CDK14: variants seen among roughly 807,000 people sequenced by gnomAD.
CDK14 encodes the protein cyclin-dependent kinase 14.
CDK14 carries 34 observed loss-of-function variants against 60.7 expected under a neutral mutation model. That is an observed-to-expected ratio of 0.56 (90% CI 0.43 to 0.75). The LOEUF (loss-of-function observed/expected upper bound fraction) is 0.75, where lower values mean the gene tolerates loss of function less well. Among genes scored for constraint, CDK14 ranks in the 30% least tolerant of loss-of-function variants. The pLI is 0.00. For missense variants in CDK14, 482 were observed against 564.1 expected, an observed-to-expected ratio of 0.85 and a Z score of 1.47; for synonymous variants, 197 against 203.7, an observed-to-expected ratio of 0.97 and a Z score of 0.28.
At chr7:90,684,292 A>G (rs897900603) in intron 2 of CDK14, among the ~76,000 whole-genome samples, 5 of 152,204 alleles carry the variant, frequency 3.3e-5, no homozygotes, top group Non-Finnish European at 7.3e-5. Context: ...TTTATTGTAT[A>G]TATTTAATGT....
intron 2 of CDK14, among the ~76,000 whole-genome samples, chr7:90,662,907 T>G (rs1800892551): frequency 6.6e-6 from 1 of 152,206 alleles, no homozygotes; most frequent in African/African-American, 2.4e-5. Context: ...TGCAACCTGA[T>G]CACCTCATGC....
chr7:90,667,083 A>G (rs1344767814), intron 2 of CDK14, among the ~76,000 whole-genome samples: 1 of 152,084 alleles, frequency 6.6e-6, no homozygotes, highest in Non-Finnish European at 1.5e-5. Context: ...GTTGCACATA[A>G]TAGGTATAAA....
At chr7:90,744,412 C>T (rs186433253) in intron 3 of CDK14, among the ~76,000 whole-genome samples, 3,017 of 152,270 alleles carry the variant, frequency 0.02, 47 homozygotes, top group Non-Finnish European at 0.031. Flanking sequence ...GTCTACTTCT[C>T]TCTATACAGA....
intron 11 of CDK14, among the ~76,000 whole-genome samples, chr7:91,060,305 A>G (rs1444393114): frequency 6.7e-6 from 1 of 150,316 alleles, no homozygotes; most frequent in Non-Finnish European, 1.5e-5. Flanking sequence ...TCTGCCCGTG[A>G]GATGGGTTTC....
intron 2 of CDK14, among the ~76,000 whole-genome samples, chr7:90,698,672 T>C (rs531398081): frequency 6.6e-6 from 1 of 152,330 alleles, no homozygotes; most frequent in South Asian, 2.1e-4. Flanking sequence ...TGGAAATGTA[T>C]GCCTGCCAAC....
intron 2 of CDK14, among the ~76,000 whole-genome samples, chr7:90,708,579 TC>T (rs1457389190): frequency 6.6e-6 from 1 of 152,152 alleles, no homozygotes; most frequent in Non-Finnish European, 1.5e-5. Context: ...ACAGTGTCAT[TC>T]AAAATGATGA....
chr7:91,023,258 G>C (rs1415148579), intron 10 of CDK14, among the ~76,000 whole-genome samples: 1 of 152,118 alleles, frequency 6.6e-6, no homozygotes, highest in Non-Finnish European at 1.5e-5. Context: ...ATGCATTACT[G>C]TTCCTGCTGC....
intron 4 of CDK14, among the ~76,000 whole-genome samples, chr7:90,778,584 C>T (rs567209381): frequency 1.3e-5 from 2 of 152,282 alleles, no homozygotes; most frequent in East Asian, 3.9e-4. Flanking sequence ...TTGTATCAGT[C>T]CTTTATGCAG....
chr7:91,167,243 T>C (rs1801373805), intron 14 of CDK14, among the ~76,000 whole-genome samples: 1 of 152,226 alleles, frequency 6.6e-6, no homozygotes, highest in Non-Finnish European at 1.5e-5. Flanking sequence ...TCTAAAGATT[T>C]TCTTCATGGA....
intron 12 of CDK14, among the ~76,000 whole-genome samples, chr7:91,079,968 C>T (rs1026056366): frequency 1.5e-4 from 23 of 152,202 alleles, no homozygotes; most frequent in African/African-American, 5.3e-4. Flanking sequence ...TCTGTTCTCT[C>T]ATCTGACCTT....
chr7:91,028,510 A>G (rs1796668779), intron 10 of CDK14, among the ~76,000 whole-genome samples: 1 of 152,172 alleles, frequency 6.6e-6, no homozygotes, highest in South Asian at 2.1e-4. Flanking sequence ...TCTATACTGT[A>G]TTCCATAGAG....
chr7:90,861,640 A>G (rs1791012956), intron 5 of CDK14, among the ~76,000 whole-genome samples: 1 of 152,180 alleles, frequency 6.6e-6, no homozygotes, highest in Non-Finnish European at 1.5e-5. Context: ...AGGATAGTGA[A>G]AGTAAAGAAG....
intron 8 of CDK14, among the ~76,000 whole-genome samples, chr7:90,950,226 G>A (rs1321788136): frequency 6.6e-6 from 1 of 152,048 alleles, no homozygotes; most frequent in African/African-American, 2.4e-5. Context: ...ACAGGCGCGT[G>A]CCACCATACC....
intron 2 of CDK14, among the ~76,000 whole-genome samples, chr7:90,691,005 A>G (rs1801541210): frequency 6.6e-6 from 1 of 152,068 alleles, no homozygotes; most frequent in Non-Finnish European, 1.5e-5. Flanking sequence ...TAAGTCCTCT[A>G]TTTATTTTGT....
chr7:91,168,371 GTTAGTA>G (rs1407981649), intron 14 of CDK14, among the ~76,000 whole-genome samples: 2 of 151,910 alleles, frequency 1.3e-5, no homozygotes, highest in African/African-American at 2.4e-5. Flanking sequence ...GAAACATTTT[GTTAGTA>G]TTAGTTATCA....
At chr7:90,666,573 G>A (rs1205191020) in intron 2 of CDK14, among the ~76,000 whole-genome samples, 4 of 152,204 alleles carry the variant, frequency 2.6e-5, no homozygotes, top group East Asian at 1.9e-4. Flanking sequence ...TTATTTGACC[G>A]TGTAACACTT....
In CDK14 at chr7:90,713,746, C is replaced by T. The variant is rs139286763; in HGVS notation, c.124-12821C>T. Among the ~76,000 whole-genome samples the T allele has an allele frequency of 4.0e-5, 6 of 150,380 alleles. No individual in the cohort carries two copies. In the East Asian group the frequency reaches 8.0e-4, roughly 20 times the overall value. ...TGATGTAAGTCCCAGGGGACATGTA[C>T]GAAAGACAATACAGTGGTCAAGAGC... On this transcript the variant is annotated intron_variant, in intron 2 of 14. Coordinates refer to ENST00000380050, the MANE Select transcript of CDK14 (RefSeq NM_001287135.2).
rs117290484 is a variant in CDK14, at chr7:90,768,144, G to A, written c.464+20369G>A. Among the ~76,000 whole-genome samples the A allele has an allele frequency of 3.9e-5, 6 of 152,310 alleles. No homozygotes were observed. In the East Asian group the frequency reaches 9.6e-4, roughly 24 times the overall value. ...TTGACCCTCTGTTAAAAAAGGGCTC[G>A]TTTAATTAGTAAGACCTGGAGAGAA... On this transcript the variant is annotated intron_variant, in intron 4 of 14. Coordinates refer to ENST00000380050, the MANE Select transcript of CDK14 (RefSeq NM_001287135.2).
intron 2 of CDK14, among the ~76,000 whole-genome samples, chr7:90,612,333 T>A (rs1799557241): frequency 6.6e-6 from 1 of 152,144 alleles, no homozygotes; most frequent in Non-Finnish European, 1.5e-5. Context: ...ATGCATCAAA[T>A]GACGTTTGTT....
Sources: gnomAD v4.1 joint callset for allele counts (sites outside exome capture counted in the v4.1 genomes callset) on GRCh38, gnomAD v4.1.1 for gene constraint, MANE v1.5 for transcripts, NCBI Gene and HGNC (gene_info 2026-07-23, HGNC 2026-07-21) for gene names.